NCKAP5: variants seen among roughly 807,000 people sequenced by gnomAD.
The protein encoded by NCKAP5 is NCK associated protein 5.
Under a neutral mutation model 167.0 loss-of-function variants are expected in NCKAP5, and 92 were observed. That is an observed-to-expected ratio of 0.55 (90% CI 0.47 to 0.66). The LOEUF is 0.66. Ranked by LOEUF, NCKAP5 falls within the 30% of genes least tolerant of loss-of-function variation. The pLI, the probability that NCKAP5 is intolerant of heterozygous loss-of-function variation, is 0.00. For missense variants in NCKAP5, 2,378 were observed against 2,315.0 expected, an observed-to-expected ratio of 1.03 and a Z score of -0.56; for synonymous variants, 891 against 877.4, an observed-to-expected ratio of 1.02 and a Z score of -0.27.
intron 4 of NCKAP5, among the ~76,000 whole-genome samples, chr2:133,292,776 G>A (rs954602819): frequency 1.3e-5 from 2 of 152,124 alleles, no homozygotes; most frequent in South Asian, 4.2e-4. Context: ...AGCTTCTTGC[G>A]GTGGCAGTAA....
the NCKAP5 span, among the ~76,000 whole-genome samples, chr2:133,634,919 A>G: frequency 0.095 from 14,343 of 151,046 alleles, 779 homozygotes; most frequent in African/African-American, 0.12. Flanking sequence ...CCAGGTTGGA[A>G]TACAGTGGTG....
chr2:133,240,458 A>T (rs1280549005), intron 4 of NCKAP5, among the ~76,000 whole-genome samples: 1 of 152,276 alleles, frequency 6.6e-6, no homozygotes, highest in East Asian at 1.9e-4. Context: ...CCCATCTCTG[A>T]TGCCCCCCAA....
chr2:132,782,440 G>A lies in NCKAP5; in HGVS notation c.4371C>T (p.Thr1457=), dbSNP rs760654109. ...CTTCTGAACTCACAGCATCAGTCGC[G>A]GTTGCAGAGGCATCTGGATGCCTTC... is the stretch of plus-strand genomic sequence containing the variant. The part of the protein sequence containing the change: ...TSGRHPDASA[T]ATDAVSSEAP... The change falls in exon 14 of 20, where the codon ACC becomes ACT. Residue 1457 remains threonine, a synonymous_variant. Coordinates refer to ENST00000409261, the MANE Select transcript of NCKAP5 (RefSeq NM_207363.3). 13 of 1,613,632 alleles carry A rather than the reference G, an allele frequency of 8.1e-6. No individual in the cohort carries two copies. Among genetic ancestry groups the A allele is most frequent in the Middle Eastern group, 1.6e-4 (1 of 6,082 alleles).
At chr2:133,244,478 T>C (rs2087878117) in intron 4 of NCKAP5, among the ~76,000 whole-genome samples, 1 of 152,098 alleles carries the variant, frequency 6.6e-6, no homozygotes, top group Non-Finnish European at 1.5e-5. Context: ...TTAGCATGAA[T>C]CTTAAAAAAT....
At chr2:132,819,224 G>C (rs1050229665) in intron 11 of NCKAP5, among the ~76,000 whole-genome samples, 2 of 152,108 alleles carry the variant, frequency 1.3e-5, no homozygotes, top group African/African-American at 4.8e-5. Context: ...AACAGGAATG[G>C]GTGAATTTCA....
the NCKAP5 span, among the ~76,000 whole-genome samples, chr2:133,578,749 G>T: frequency 1.3e-5 from 2 of 152,130 alleles, no homozygotes; most frequent in African/African-American, 2.4e-5. Flanking sequence ...CAATCAATAC[G>T]CAGTCTCATT....
chr2:133,199,046 T>A (rs1330121432), intron 5 of NCKAP5, among the ~76,000 whole-genome samples: 1 of 151,990 alleles, frequency 6.6e-6, no homozygotes, highest in Non-Finnish European at 1.5e-5. Flanking sequence ...CAAATGTGGA[T>A]ATCTACATTT....
At chr2:132,819,563 A>T (rs529997893) in intron 11 of NCKAP5, among the ~76,000 whole-genome samples, 3 of 152,350 alleles carry the variant, frequency 2.0e-5, no homozygotes, top group Middle Eastern at 6.8e-3. Flanking sequence ...AAGATACTAG[A>T]GATCAATACA....
chr2:133,399,728 TC>T (rs1223734256), intron 3 of NCKAP5, among the ~76,000 whole-genome samples: 1 of 152,148 alleles, frequency 6.6e-6, no homozygotes, highest in Admixed American at 6.6e-5. Flanking sequence ...TGGTGCGGGC[TC>T]CATAACACAG....
At chr2:132,835,810 T>C (rs1311874643) in intron 11 of NCKAP5, among the ~76,000 whole-genome samples, 1 of 152,150 alleles carries the variant, frequency 6.6e-6, no homozygotes, top group East Asian at 1.9e-4. Flanking sequence ...CTAAGCAGCT[T>C]GAAACAAAAA....
At chr2:133,672,373 G>A in the NCKAP5 span, among the ~76,000 whole-genome samples, 1 of 152,160 alleles carries the variant, frequency 6.6e-6, no homozygotes, top group Non-Finnish European at 1.5e-5. Context: ...TAAACTATTT[G>A]TTGCTGATCT....
At chr2:133,071,943 AC>A (rs1490274831) in intron 6 of NCKAP5, among the ~76,000 whole-genome samples, 1 of 152,134 alleles carries the variant, frequency 6.6e-6, no homozygotes, top group Non-Finnish European at 1.5e-5. Flanking sequence ...TATTAAATGA[AC>A]TCATAATATT....
At chr2:133,241,316 GAC>G (rs1225819045) in intron 4 of NCKAP5, among the ~76,000 whole-genome samples, 28 of 152,288 alleles carry the variant, frequency 1.8e-4, no homozygotes, top group African/African-American at 6.0e-4. Flanking sequence ...CTTATGTAGA[GAC>G]ACACTCACAT....
intron 3 of NCKAP5, among the ~76,000 whole-genome samples, chr2:133,353,031 TG>T (rs1162916708): frequency 6.6e-6 from 1 of 152,224 alleles, no homozygotes; most frequent in African/African-American, 2.4e-5. Context: ...GCCAAGGTCT[TG>T]GGTGGACAGG....
intron 8 of NCKAP5, among the ~76,000 whole-genome samples, chr2:132,938,284 G>T (rs1017675197): frequency 6.6e-6 from 1 of 152,248 alleles, no homozygotes; most frequent in Non-Finnish European, 1.5e-5. Context: ...GAGAACAAAG[G>T]TTCTGACCCT....
chr2:132,798,534 G>A (rs1467541383), intron 11 of NCKAP5, among the ~76,000 whole-genome samples: 2 of 152,126 alleles, frequency 1.3e-5, no homozygotes, highest in African/African-American at 2.4e-5. Context: ...AGGCCTCAAT[G>A]GATTAGCTAT....
chr2:133,586,860 G>A, the NCKAP5 span, among the ~76,000 whole-genome samples: 2 of 152,020 alleles, frequency 1.3e-5, no homozygotes, highest in African/African-American at 4.8e-5. Context: ...GAATGGTGGG[G>A]ACTACGATGA....
intron 8 of NCKAP5, among the ~76,000 whole-genome samples, chr2:132,921,482 G>A (rs994336775): frequency 2.0e-5 from 3 of 152,174 alleles, no homozygotes; most frequent in Admixed American, 6.5e-5. Context: ...TGTCCACTAG[G>A]TACCAGAAAT....
At chr2:133,435,943 T>G (rs1238960762) in intron 3 of NCKAP5, among the ~76,000 whole-genome samples, 1 of 152,198 alleles carries the variant, frequency 6.6e-6, no homozygotes, top group East Asian at 1.9e-4. Flanking sequence ...AACTGAATTT[T>G]TCGTCTTCCT....
Sources: allele counts gnomAD v4.1 joint callset (sites outside exome capture counted in the v4.1 genomes callset), GRCh38; gene constraint gnomAD v4.1.1; transcripts MANE v1.5; gene names NCBI Gene and HGNC (gene_info 2026-07-23, HGNC 2026-07-21).